The following PDXDC1 variants were observed in gnomAD, a reference collection of about 807,000 sequenced individuals.
PDXDC1 encodes the protein pyridoxal dependent decarboxylase domain containing 1.
A neutral mutation model predicts 100.1 loss-of-function variants in PDXDC1; 42 were observed. That is an observed-to-expected ratio of 0.42 (90% CI 0.33 to 0.54). PDXDC1 has a LOEUF of 0.54. PDXDC1 is among the 20% of genes least tolerant of loss of function. PDXDC1 has a pLI of 0.10. For missense variants in PDXDC1, 636 were observed against 979.2 expected, an observed-to-expected ratio of 0.65 and a Z score of 4.68; for synonymous variants, 260 against 371.7, an observed-to-expected ratio of 0.70 and a Z score of 3.46.
rs781768892 is a variant in PDXDC1 at position 15,065,284 on chromosome 16, G to C, written c.1399+35228G>C. 8.7e-6 allele frequency: 14 copies of C among 1,613,778 alleles called. No homozygotes were observed. The Admixed American group carries it at 2.0e-4, about 23-fold the overall frequency. ...GCGGGTTTGTGCAGATCTGCACTGA[G>C]TCTCCTCCAGCGGTACTCCTAATGA... On this transcript the variant is annotated intron_variant, in intron 16 of 16. Transcript: ENST00000535621.
intron 16 of PDXDC1, among the ~76,000 whole-genome samples, chr16:15,099,419 CAAAAAAAAAAAAAAA>C (rs768689960): frequency 7.3e-5 from 3 of 40,956 alleles, no homozygotes; most frequent in African/African-American, 3.0e-4. Flanking sequence ...GACTTGGTCT[CAAAAAAAAAAAAAAA>C]AAAAAAAAAA....
intron 16 of PDXDC1, among the ~76,000 whole-genome samples, chr16:15,069,373 C>T (rs1417512585): frequency 6.6e-6 from 1 of 152,148 alleles, no homozygotes; most frequent in Non-Finnish European, 1.5e-5. Context: ...AAGTGACCCA[C>T]AAAACCATAA....
chr16:15,037,993 CAGGCCAAGAA>C lies in PDXDC1; in HGVS notation c.*1719_*1728del. The C allele has an allele frequency of 6.5e-7, 1 of 1,536,550 alleles. No homozygotes were observed. The highest frequency in any genetic ancestry group is 8.9e-7 in the Non-Finnish European group (1 of 1,118,820). Reference sequence around the variant, plus strand: ...CGTGCCAGCCCCACCAATGGTCTGTCAGGCCAAGAAGGTGCTTTCTTTGGTAATTCATGTT... The same window carrying C: ...CGTGCCAGCCCCACCAATGGTCTGTCGGTGCTTTCTTTGGTAATTCATGTT... On this transcript the variant is annotated 3_prime_UTR_variant, in exon 23 of 23. Transcript: ENST00000396410.
intron 16 of PDXDC1, among the ~76,000 whole-genome samples, chr16:15,097,889 A>C (rs2046412379): frequency 1.3e-5 from 2 of 151,600 alleles, no homozygotes; most frequent in African/African-American, 2.4e-5. Flanking sequence ...TGCATTTTAT[A>C]AAGTTATCTC....
intron 1 of PDXDC1, among the ~76,000 whole-genome samples, chr16:14,994,645 A>G (rs951589232): frequency 6.6e-6 from 1 of 152,302 alleles, no homozygotes; most frequent in African/African-American, 2.4e-5. Context: ...TTCCATATGA[A>G]CTTTAAAGTA....
intron 12 of PDXDC1, among the ~76,000 whole-genome samples, chr16:15,020,175 G>C (rs1473252649): frequency 1.7e-4 from 25 of 150,884 alleles, no homozygotes; most frequent in African/African-American, 5.8e-4. Flanking sequence ...CAGGGTTAGA[G>C]CTGAGCCCTC....
chr16:15,041,502 G>T, downstream of PDXDC1: 1 of 780,566 alleles, frequency 1.3e-6, no homozygotes, highest in Non-Finnish European at 2.4e-6. Context: ...AGGAAGAGCC[G>T]GAACAGATGG....
intron 6 of PDXDC1, among the ~76,000 whole-genome samples, chr16:15,007,157 CTTTTTTTTTTTTTTTTTTTT>C (rs56256230): frequency 1.4e-5 from 1 of 73,918 alleles, no homozygotes; most frequent in Non-Finnish European, 2.3e-5. Context: ...AAGAGCATGA[CTTTTTTTTTTTTTTTTTTTT>C]TTTTTTTTTT....
At chr16:15,069,301 C>T (rs564916258) in intron 16 of PDXDC1, among the ~76,000 whole-genome samples, 4 of 152,124 alleles carry the variant, frequency 2.6e-5, no homozygotes, top group Non-Finnish European at 2.9e-5. Flanking sequence ...CAGCCCCCGA[C>T]GATGAAGGAT....
At position 15,072,808 on chromosome 16, in the gene PDXDC1, G is replaced by A. The variant is rs574888732; in HGVS notation, c.1399+42752G>A. 2.0e-4 allele frequency: 159 copies of A among 812,918 alleles called. No individual in the cohort carries two copies. The African/African-American group carries it at 2.7e-3, about 14-fold the overall frequency. The allele number at this position is 812,918 out of a possible 1,614,324, so 50.4% of individuals were successfully genotyped here. ...AGAAAACAAAAAAAGAAAGGAGAAT[G>A]CGATTTTATTAAGCAGACTAGCAAG... On this transcript the variant is annotated intron_variant, in intron 16 of 16. Coordinates refer to the PDXDC1 transcript ENST00000535621.
At chr16:15,144,727 T>C in the PDXDC1 span, among the ~76,000 whole-genome samples, 2 of 152,088 alleles carry the variant, frequency 1.3e-5, no homozygotes, top group Admixed American at 6.5e-5. Flanking sequence ...GGCACAGGGA[T>C]GGAGACTCCG....
intron 16 of PDXDC1, among the ~76,000 whole-genome samples, chr16:15,067,518 A>G (rs2151766635): frequency 7.2e-6 from 1 of 138,596 alleles, no homozygotes; most frequent in African/African-American, 2.6e-5. Context: ...ACCAGACCTG[A>G]GAGAACAGAA....
chr16:15,027,963 C>T (rs2042746966), intron 14 of PDXDC1, among the ~76,000 whole-genome samples: 1 of 152,282 alleles, frequency 6.6e-6, no homozygotes, highest in Non-Finnish European at 1.5e-5. Context: ...CTTCCCTTCC[C>T]CGCTTCTGTG....
intron 2 of PDXDC1, among the ~76,000 whole-genome samples, chr16:14,998,134 G>A (rs527249636): frequency 2.6e-5 from 4 of 152,382 alleles, no homozygotes; most frequent in South Asian, 2.1e-4. Context: ...CAAGAAGTGG[G>A]TGGAACTTTT....
chr16:15,092,203 G>A (rs1428546661), intron 16 of PDXDC1, among the ~76,000 whole-genome samples: 2 of 152,094 alleles, frequency 1.3e-5, no homozygotes, highest in Non-Finnish European at 2.9e-5. Context: ...ATAAAATGGT[G>A]TAATTGTTTT....
rs1262510765 is a variant in PDXDC1, at chr16:14,975,178, G to A, written c.-22G>A. The A allele has an allele frequency of 6.9e-7, 1 of 1,452,872 alleles. No homozygotes were observed. The highest frequency in any genetic ancestry group is 2.7e-5 in the East Asian group (1 of 36,700). 90.0% of individuals were successfully genotyped at this position (1,452,872 alleles called of 1,614,324 possible). A position where few individuals can be genotyped will look rare whatever the true frequency, so the allele number is the denominator to read the frequency against. ...AGGAAGTAGAGCCCGGGACCGCCAG[G>A]CCACCACCGGCCGCCTCAGCCATGG... On this transcript the variant is annotated 5_prime_UTR_variant, in exon 1 of 23. Transcript: ENST00000396410.
rs1051482183 is a variant in PDXDC1, at chr16:15,032,530, T to A, written c.1572-331T>A. 10 of 217,476 alleles carry A rather than the reference T, an allele frequency of 4.6e-5. 1 individual carries two copies. The highest frequency in any genetic ancestry group is 3.9e-4 in the Admixed American group (7 of 18,176). 13.5% of individuals were successfully genotyped at this position (217,476 alleles called of 1,614,324 possible). ...TTAGCCAGAGGTGGTGGTGCACACC[T>A]GTAGTCCCAGCTACTCGGGAAGCTT... On this transcript the variant is annotated intron_variant, in intron 17 of 22. Transcript: ENST00000396410.
chr16:15,084,828 G>C, intron 16 of PDXDC1: 1 of 725,020 alleles, frequency 1.4e-6, no homozygotes, highest in Non-Finnish European at 2.5e-6. Flanking sequence ...CACTTTGGGA[G>C]GCCGAGGTGG....
intron 16 of PDXDC1, chr16:15,130,670 G>A (rs780702618): frequency 5.6e-6 from 8 of 1,438,938 alleles, no homozygotes; most frequent in South Asian, 2.3e-5. Context: ...GCCGGTGGTC[G>A]GCACCCTGGA....
Sources: gnomAD v4.1 joint callset for allele counts (sites outside exome capture counted in the v4.1 genomes callset) on GRCh38, gnomAD v4.1.1 for gene constraint, MANE v1.5 for transcripts, NCBI Gene and HGNC (gene_info 2026-07-23, HGNC 2026-07-21) for gene names.